The following PDSS2 variants were observed in gnomAD, a reference collection of about 807,000 sequenced individuals.
The protein encoded by PDSS2 is all trans-polyprenyl-diphosphate synthase PDSS2.
PDSS2 carries 31 observed loss-of-function variants against 44.5 expected under a neutral mutation model. The observed-to-expected ratio is 0.70, with a 90% CI of 0.52 to 0.94. The LOEUF (loss-of-function observed/expected upper bound fraction) is 0.94. Ranked by LOEUF, PDSS2 falls within the 40% of genes least tolerant of loss-of-function variation. The pLI is 0.00. For synonymous variants in PDSS2, 157 were observed against 180.3 expected (o/e 0.87, Z 1.03); for missense variants, 452 against 482.2 (o/e 0.94, Z 0.59).
chr6:107,385,240 T>C (rs1779576008), intron 1 of PDSS2, among the ~76,000 whole-genome samples: 1 of 152,034 alleles, frequency 6.6e-6, no homozygotes, highest in Non-Finnish European at 1.5e-5. Context: ...TCCTTCTGCC[T>C]ATAGTCCCAG....
At chr6:107,383,276 G>C (rs1324244339) in intron 1 of PDSS2, among the ~76,000 whole-genome samples, 1 of 133,948 alleles carries the variant, frequency 7.5e-6, no homozygotes, top group African/African-American at 2.9e-5. Flanking sequence ...TCCAGCCTGG[G>C]TGACAGAGTG....
In PDSS2 at chr6:107,327,173, GGT is replaced by G. The variant is rs1343138558; in HGVS notation, c.431+7023_431+7024del. 1.4e-4 allele frequency among the ~76,000 whole-genome samples: 21 copies of G among 152,260 alleles called. No individual in the cohort carries two copies. In the East Asian group the frequency reaches 3.9e-3, roughly 28 times the overall value. On this transcript the variant is annotated intron_variant, in intron 2 of 7. Transcript: ENST00000369037. Reference sequence around the variant, plus strand: ...CAGTGTTTTTTTCCTCAGATTGGCAGGTGTGTCTCGCAGTTGGATGTGGTCCA... The same window carrying G: ...CAGTGTTTTTTTCCTCAGATTGGCAGGTGTCTCGCAGTTGGATGTGGTCCA...
At chr6:107,348,610 A>C (rs1279841598) in intron 1 of PDSS2, among the ~76,000 whole-genome samples, 1 of 152,244 alleles carries the variant, frequency 6.6e-6, no homozygotes. Flanking sequence ...ATTAATATCT[A>C]CATTTATTTC....
At chr6:107,251,850 A>G (rs770903025) in intron 3 of PDSS2, among the ~76,000 whole-genome samples, 21 of 152,220 alleles carry the variant, frequency 1.4e-4, no homozygotes, top group Non-Finnish European at 2.1e-4. Flanking sequence ...ATGAAGCACA[A>G]ACTATTTGTG....
chr6:107,154,634 C>A lies in PDSS2; in HGVS notation c.1185G>T (p.Val395=). The change falls in exon 8 of 8, where the codon GTG becomes GTT. Residue 395 remains valine, a synonymous_variant. Coordinates refer to ENST00000369037, the MANE Select transcript of PDSS2 (RefSeq NM_020381.4). The part of the protein sequence containing the change: ...RSALENIVFA[V]TRFS ...TAATTTGATGTCATGAAAATCTGGT[C>A]ACAGCAAACACAATGTTTTCTAAAG... 1.9e-6 allele frequency: 3 copies of A among 1,614,102 alleles called. No individual in the cohort carries two copies. In the South Asian group the frequency reaches 3.3e-5, roughly 18 times the overall value.
chr6:107,379,528 T>C (rs1202460917), intron 1 of PDSS2, among the ~76,000 whole-genome samples: 1 of 152,228 alleles, frequency 6.6e-6, no homozygotes. Context: ...TTAATTAGCA[T>C]GCTTATGTCT....
chr6:107,312,670 C>G (rs955750205), intron 2 of PDSS2, among the ~76,000 whole-genome samples: 13 of 152,236 alleles, frequency 8.5e-5, no homozygotes, highest in African/African-American at 3.1e-4. Context: ...GATTAAAAAT[C>G]TATGCTTCAT....
chr6:107,396,551 C>G (rs1469803750), intron 1 of PDSS2, among the ~76,000 whole-genome samples: 1 of 152,128 alleles, frequency 6.6e-6, no homozygotes, highest in African/African-American at 2.4e-5. Flanking sequence ...TTCCTCATGG[C>G]TAAAAGCAAA....
chr6:107,257,665 G>A (rs1293655944), intron 3 of PDSS2, among the ~76,000 whole-genome samples: 1 of 152,020 alleles, frequency 6.6e-6, no homozygotes, highest in African/African-American at 2.4e-5. Context: ...TATCACACAG[G>A]CTGGAGTGCA....
intron 2 of PDSS2, among the ~76,000 whole-genome samples, chr6:107,327,191 A>T (rs1582945961): frequency 6.6e-6 from 1 of 152,090 alleles, no homozygotes; most frequent in Admixed American, 6.6e-5. Context: ...TCGCAGTTGG[A>T]TGTGGTCCAG....
At chr6:107,447,827 T>G (rs1365514603) in intron 1 of PDSS2, among the ~76,000 whole-genome samples, 1 of 152,122 alleles carries the variant, frequency 6.6e-6, no homozygotes, top group African/African-American at 2.4e-5. Context: ...CTAGCAGAGG[T>G]TCTCCATGAG....
At chr6:107,337,889 A>G (rs777688100) in intron 1 of PDSS2, among the ~76,000 whole-genome samples, 26 of 152,186 alleles carry the variant, frequency 1.7e-4, no homozygotes, top group Non-Finnish European at 3.5e-4. Context: ...TGCATTACTG[A>G]AAAGGTCAGG....
chr6:107,409,476 G>A (rs1046813621), intron 1 of PDSS2, among the ~76,000 whole-genome samples: 1 of 152,036 alleles, frequency 6.6e-6, no homozygotes, highest in African/African-American at 2.4e-5. Context: ...CTTAGATACA[G>A]AAGTCAAGAA....
chr6:107,175,588 T>C (rs1428482632), intron 7 of PDSS2, among the ~76,000 whole-genome samples: 1 of 152,204 alleles, frequency 6.6e-6, no homozygotes, highest in Non-Finnish European at 1.5e-5. Context: ...TCCAGTCAAA[T>C]AGCTTATGAT....
intron 2 of PDSS2, among the ~76,000 whole-genome samples, chr6:107,300,869 A>C (rs1312732887): frequency 3.9e-5 from 6 of 152,240 alleles, no homozygotes; most frequent in Non-Finnish European, 2.9e-5. Context: ...TGAGGTGGGC[A>C]TAGGCATATC....
intron 7 of PDSS2, among the ~76,000 whole-genome samples, chr6:107,174,507 A>G (rs111483637): frequency 4.8e-4 from 73 of 152,248 alleles, no homozygotes; most frequent in African/African-American, 1.6e-3. Flanking sequence ...CGCTGCCTCT[A>G]AAGGTCTACC....
chr6:107,272,255 C>T (rs1356533059), intron 3 of PDSS2, among the ~76,000 whole-genome samples: 1 of 152,080 alleles, frequency 6.6e-6, no homozygotes, highest in Non-Finnish European at 1.5e-5. Flanking sequence ...TAATAATTCT[C>T]TGTTAAAAAA....
At chr6:107,444,960 A>C (rs1464276956) in intron 1 of PDSS2, among the ~76,000 whole-genome samples, 2 of 152,188 alleles carry the variant, frequency 1.3e-5, no homozygotes, top group African/African-American at 4.8e-5. Context: ...TTAAACAAAA[A>C]TTTAATCCTA....
intron 1 of PDSS2, among the ~76,000 whole-genome samples, chr6:107,434,171 A>G (rs1049011711): frequency 6.6e-6 from 1 of 152,244 alleles, no homozygotes; most frequent in Non-Finnish European, 1.5e-5. Flanking sequence ...GTAAATTAGT[A>G]CAACCATTAT....
Sources: gnomAD v4.1 joint callset for allele counts (sites outside exome capture counted in the v4.1 genomes callset) on GRCh38, gnomAD v4.1.1 for gene constraint, MANE v1.5 for transcripts, NCBI Gene and HGNC (gene_info 2026-07-23, HGNC 2026-07-21) for gene names.